Variants in SPRED1 observed in about 807,000 individuals in gnomAD.
SPRED1 encodes sprouty related EVH1 domain containing 1.
SPRED1 carries 18 observed loss-of-function variants against 52.3 expected under a neutral mutation model. The observed-to-expected ratio is 0.34, with a 90% CI of 0.24 to 0.51. The LOEUF is 0.51. Ranked by LOEUF, SPRED1 falls within the 20% of genes least tolerant of loss-of-function variation. The probability of loss-of-function intolerance (pLI) is 0.97; values close to 1 mark genes in which losing one functional copy is unlikely to be tolerated. For synonymous variants in SPRED1, 155 were observed against 179.7 expected (o/e 0.86, Z 1.10); for missense variants, 485 against 551.0 (o/e 0.88, Z 1.20).
At chr15:38,322,619 T>C (rs1895627970) in intron 3 of SPRED1, among the ~76,000 whole-genome samples, 2 of 152,194 alleles carry the variant, frequency 1.3e-5, no homozygotes, top group East Asian at 3.8e-4. Context: ...TCTATGTCAA[T>C]TGCATGTATT....
chr15:38,322,696 A>G (rs1895629553), intron 3 of SPRED1, among the ~76,000 whole-genome samples: 1 of 47,914 alleles, frequency 2.1e-5, no homozygotes, highest in African/African-American at 5.2e-5. Flanking sequence ...AGCTTGAAGG[A>G]AGAGGGAATA....
chr15:38,283,506 G>T (rs903895075), intron 1 of SPRED1: 1 of 984,742 alleles, frequency 1.0e-6, no homozygotes, highest in Non-Finnish European at 1.2e-6. Context: ...GGTGTCAGGG[G>T]CATGATGATG....
Position 38,355,895 on chromosome 15 carries a change from A to G in SPRED1, c.*4231A>G, listed in dbSNP as rs533950389. On this transcript the variant is annotated 3_prime_UTR_variant, in exon 7 of 7. Coordinates refer to ENST00000299084, the MANE Select transcript of SPRED1 (RefSeq NM_152594.3). ...GAAGAATGAATTTCTTTAAGAGAGA[A>G]ACACAACCGGAGGTGATTTATATAA... 12 of 152,284 alleles carry G rather than the reference A, an allele frequency of 7.9e-5. No homozygotes were observed. The highest frequency in any genetic ancestry group is 2.6e-4 in the African/African-American group (11 of 41,566). The allele number at this position is 152,284 out of a possible 1,614,324, so 9.4% of individuals were successfully genotyped here.
intron 4 of SPRED1, among the ~76,000 whole-genome samples, chr15:38,336,380 ATGTGTG>A (rs35912838): frequency 5.2e-5 from 7 of 134,302 alleles, no homozygotes; most frequent in East Asian, 2.1e-4. Flanking sequence ...GATAAAGAAA[ATGTGTG>A]TGTGTGTGTG....
chr15:38,313,817 AT>A (rs1895417374), intron 2 of SPRED1, among the ~76,000 whole-genome samples: 1 of 151,316 alleles, frequency 6.6e-6, no homozygotes. Flanking sequence ...TTATTTTCAG[AT>A]TTTGATTTTC....
At chr15:38,281,473 A>T (rs767883896) in intron 1 of SPRED1, among the ~76,000 whole-genome samples, 7 of 151,830 alleles carry the variant, frequency 4.6e-5, no homozygotes, top group Non-Finnish European at 8.8e-5. Flanking sequence ...GCTCACTGCA[A>T]CCTCAAACTC....
chr15:38,329,483 G>C (rs1795644269), intron 4 of SPRED1, among the ~76,000 whole-genome samples: 1 of 152,072 alleles, frequency 6.6e-6, no homozygotes, highest in Non-Finnish European at 1.5e-5. Context: ...GCTTTATTTA[G>C]GTAGTACAGA....
chr15:38,268,144 A>G lies in SPRED1; in HGVS notation c.32+14927A>G, dbSNP rs188567922. On this transcript the variant is annotated intron_variant, in intron 1 of 6. Transcript: ENST00000299084. ...AGTGAAGACATCTGAAAAAGCAATG[A>G]TGTAATAACATTTGCTGTCTCTACT... 3 of 152,364 alleles carry G rather than the reference A, an allele frequency of 2.0e-5. No individual in the cohort carries two copies. In the East Asian group the frequency reaches 5.8e-4, roughly 29 times the overall value. The allele number at this position is 152,364 out of a possible 1,614,324, so 9.4% of individuals were successfully genotyped here. A position where few individuals can be genotyped will look rare whatever the true frequency, so the allele number is the denominator to read the frequency against.
At chr15:38,282,654 GGAAACACTT>G (rs1270534917) in intron 1 of SPRED1, among the ~76,000 whole-genome samples, 128 of 152,286 alleles carry the variant, frequency 8.4e-4, no homozygotes, top group Non-Finnish European at 1.3e-4. Context: ...TGGGGATCTT[GGAAACACTT>G]GAAAATTCTT....
chr15:38,335,065 C>T (rs1895884982), intron 4 of SPRED1, among the ~76,000 whole-genome samples: 2 of 152,030 alleles, frequency 1.3e-5, no homozygotes, highest in African/African-American at 4.8e-5. Context: ...ATTGAATGGT[C>T]AGTATGTTTT....
At chr15:38,256,051 CTG>C (rs1166474917) in intron 1 of SPRED1, among the ~76,000 whole-genome samples, 3 of 152,202 alleles carry the variant, frequency 2.0e-5, no homozygotes, top group African/African-American at 7.2e-5. Flanking sequence ...CCTAGGCTGA[CTG>C]TGAGAATATA....
chr15:38,332,918 G>T (rs554260786), intron 4 of SPRED1, among the ~76,000 whole-genome samples: 2 of 152,116 alleles, frequency 1.3e-5, no homozygotes, highest in African/African-American at 2.4e-5. Context: ...CCACTTTCAG[G>T]TTCATAAGTG....
chr15:38,336,380 ATG>A (rs35912838), intron 4 of SPRED1, among the ~76,000 whole-genome samples: 41 of 134,300 alleles, frequency 3.1e-4, no homozygotes, highest in African/African-American at 6.5e-4. Context: ...GATAAAGAAA[ATG>A]TGTGTGTGTG....
At chr15:38,298,502 C>A (rs1167113721) in intron 1 of SPRED1, 1 of 320,008 alleles carries the variant, frequency 3.1e-6, no homozygotes, top group Non-Finnish European at 5.9e-6. Context: ...AATTAGAGGA[C>A]TACTTAGTTA....
intron 1 of SPRED1, among the ~76,000 whole-genome samples, chr15:38,284,497 A>G (rs747212711): frequency 2.0e-5 from 3 of 152,078 alleles, no homozygotes; most frequent in African/African-American, 4.8e-5. Flanking sequence ...TTGTCTTCTA[A>G]TATCTTGGTG....
rs1555387949 is a variant in SPRED1, at chr15:38,272,276, G to GTTTTTTTTTTTTTTTTTTTTTTTTT, written c.32+19069_32+19070insTTTTTTTTTTTTTTTTTTTTTTTTT. Among the ~76,000 whole-genome samples, 2 of 131,426 alleles carry GTTTTTTTTTTTTTTTTTTTTTTTTT rather than the reference G, an allele frequency of 1.5e-5. 1 individual carries two copies. 86.2% of individuals were successfully genotyped at this position (131,426 alleles called of 152,430 possible). On this transcript the variant is annotated intron_variant, in intron 1 of 6. Coordinates refer to ENST00000299084, the MANE Select transcript of SPRED1 (RefSeq NM_152594.3). ...TGAGATTGTAGGGGTCGAATGCTAGGTTTTTTTTTTGAGATGAAGTCTTGC... is the reference window on the plus strand; with the variant it reads ...TGAGATTGTAGGGGTCGAATGCTAGGTTTTTTTTTTTTTTTTTTTTTTTTTTTTTTTTTTTGAGATGAAGTCTTGC...
intron 5 of SPRED1, among the ~76,000 whole-genome samples, chr15:38,342,169 A>T (rs1477206927): frequency 6.7e-6 from 1 of 148,886 alleles, no homozygotes; most frequent in Admixed American, 6.7e-5. Context: ...TTTTTCCTTC[A>T]CTTTGCTTAT....
chr15:38,282,003 A>G (rs1217759674), intron 1 of SPRED1, among the ~76,000 whole-genome samples: 1 of 152,108 alleles, frequency 6.6e-6, no homozygotes, highest in East Asian at 1.9e-4. Context: ...TTATTTATCT[A>G]TGGAGTGAAA....
chr15:38,349,441 G>C lies in SPRED1; in HGVS notation c.602G>C (p.Gly201Ala). 2.5e-6 allele frequency: 4 copies of C among 1,612,462 alleles called. No individual in the cohort carries two copies. Among genetic ancestry groups the C allele is most frequent in the Non-Finnish European group, 2.5e-6 (3 of 1,178,832 alleles). The change falls in exon 6 of 7, where the codon GGC becomes GCC. Residue 201 changes from glycine (G) to alanine (A), a missense_variant. Physicochemically the swap from Gly to Ala is moderately conservative, Grantham distance 60. Around this residue, in one of 5 missense-constraint regions of SPRED1, gnomAD observed 232 missense variants for 231.8 expected, o/e 1.00. Transcript: ENST00000299084. Reference protein sequence around the residue: ...QANQITFGQPGLDIQSRSMEY... With the variant: ...QANQITFGQPALDIQSRSMEY... Reference sequence around the variant, plus strand: ...TTTTAGATAACATTTGGTCAGCCAGGCTTGGACATTCAGAGCAGAAGTATG... The same window carrying C: ...TTTTAGATAACATTTGGTCAGCCAGCCTTGGACATTCAGAGCAGAAGTATG...
Sources: allele counts gnomAD v4.1 joint callset (sites outside exome capture counted in the v4.1 genomes callset), GRCh38; gene constraint gnomAD v4.1.1; regional missense constraint gnomAD v4.1.1; transcripts MANE v1.5; gene names NCBI Gene and HGNC (gene_info 2026-07-23, HGNC 2026-07-21).